The following MCM4 variants were observed in gnomAD, a reference collection of about 807,000 sequenced individuals.
MCM4 encodes the protein minichromosome maintenance complex component 4, also known as DNA replication licensing factor MCM4.
MCM4 carries 60 observed loss-of-function variants against 88.7 expected under a neutral mutation model. The ratio of observed to expected loss-of-function variants is 0.68; its 90% CI spans 0.55 to 0.84. The LOEUF (loss-of-function observed/expected upper bound fraction) is 0.84. MCM4 is among the 40% of genes least tolerant of loss of function. The pLI is 0.00. For missense variants in MCM4, 1,149 were observed against 1,105.5 expected (o/e 1.04, Z -0.56); for synonymous variants, 465 against 410.5 (o/e 1.13, Z -1.61).
At chr8:47,973,376 G>A (rs1012603683) in intron 14 of MCM4, among the ~76,000 whole-genome samples, 5 of 152,082 alleles carry the variant, frequency 3.3e-5, no homozygotes, top group African/African-American at 9.7e-5. Flanking sequence ...GAGTTTCACC[G>A]TGTTGGCCAG....
chr8:47,964,479 A>T (rs2154505079), intron 7 of MCM4, 95 bp from the exon 8 acceptor site: 1 of 906,908 alleles, frequency 1.1e-6, no homozygotes, highest in Middle Eastern at 3.2e-4. Context: ...GGGACATGAC[A>T]TGTTGTCTTT....
In MCM4 at chr8:47,963,053, C is replaced by T. The variant is rs2090861548; in HGVS notation, c.693+13C>T. ...CTCTTACCCACAGGTAAGAATTTAG[C>T]TTTGACCTTGATGAATTTTAGTAAC... On this transcript the variant is annotated intron_variant, in intron 7 of 16. Coordinates refer to ENST00000649973, the MANE Select transcript of MCM4 (RefSeq NM_182746.3). 2 of 1,463,560 alleles carry T rather than the reference C, an allele frequency of 1.4e-6. No individual in the cohort carries two copies. The highest frequency in any genetic ancestry group is 2.4e-5 in the South Asian group (2 of 82,130). The allele number at this position is 1,463,560 out of a possible 1,614,324, so 90.7% of individuals were successfully genotyped here.
In MCM4 at chr8:47,962,143, G is replaced by T. The variant is rs749518983; in HGVS notation, c.326G>T (p.Gly109Val). The T allele has an allele frequency of 5.0e-6, 8 of 1,614,082 alleles. No individual in the cohort carries two copies. The highest frequency in any genetic ancestry group is 5.9e-6 in the Non-Finnish European group (7 of 1,180,040). Residue 109 changes from glycine to valine, a missense_variant, in exon 4 of 17, where the codon GGC becomes GTC. Gly to Val is a moderately radical substitution (Grantham distance 109). This residue lies in a region of MCM4 where 906 missense variants were observed against 843.0 expected (regional missense o/e 1.07). Coordinates refer to ENST00000649973, the MANE Select transcript of MCM4 (RefSeq NM_182746.3). Reference protein sequence around the residue: ...VEGTPRSGVRGTPVRQRPDLG... With the variant: ...VEGTPRSGVRVTPVRQRPDLG... ...GGAACCCCAAGAAGTGGTGTTAGGGGCACACCTGTGAGACAGAGGCCTGAC... is the reference window on the plus strand; with the variant it reads ...GGAACCCCAAGAAGTGGTGTTAGGGTCACACCTGTGAGACAGAGGCCTGAC...
At chr8:47,967,705 T>A (rs565513469) in intron 10 of MCM4, among the ~76,000 whole-genome samples, 2 of 152,192 alleles carry the variant, frequency 1.3e-5, no homozygotes, top group African/African-American at 4.8e-5. Context: ...CAAACTTGAA[T>A]GTTGGAGCTC....
At chr8:47,961,374 C>T in intron 2 of MCM4, 142 bp from the exon 3 acceptor site, 2 of 1,519,470 alleles carry the variant, frequency 1.3e-6, no homozygotes, top group Non-Finnish European at 1.8e-6. Flanking sequence ...AGGCTGTGGC[C>T]TGGGTGCTGC....
At chr8:47,969,622 T>G in intron 10 of MCM4, 176 bp from the exon 11 acceptor site, 2 of 612,902 alleles carry the variant, frequency 3.3e-6, no homozygotes. Context: ...CTTTGCAATG[T>G]GGGCCTGAGT....
chr8:47,972,267 G>A (rs1589833140), intron 13 of MCM4, among the ~76,000 whole-genome samples: 1 of 148,640 alleles, frequency 6.7e-6, no homozygotes, highest in Admixed American at 6.8e-5. Context: ...ACTTTCCATC[G>A]TCAAAATTAT....
At position 47,961,069 on chromosome 8, in the gene MCM4, C is replaced by T. The variant is rs891829243; in HGVS notation, c.-15+55C>T. 35 of 1,444,432 alleles carry T rather than the reference C, an allele frequency of 2.4e-5. No individual in the cohort carries two copies. The African/African-American group carries it at 3.3e-4, about 13-fold the overall frequency. 89.5% of individuals were successfully genotyped at this position (1,444,432 alleles called of 1,614,324 possible). A position where few individuals can be genotyped will look rare whatever the true frequency, so the allele number is the denominator to read the frequency against. On this transcript the variant is annotated intron_variant, in intron 1 of 16. Transcript: ENST00000649973. ...CGCGGAGCCGACGGGAACGTCCGCG[C>T]TGCGGAGCAGGGCAGGGAAGCCGGG...
rs2090854149 is a variant in MCM4 at position 47,962,523 on chromosome 8, C to T, written c.501+117C>T. ...GAAGGGCCACCTGTGGTGGCTCACA[C>T]CTATAATCCCAGTACTTTGGGAGGC... On this transcript the variant is annotated intron_variant, in intron 5 of 16. Coordinates refer to ENST00000649973, the MANE Select transcript of MCM4 (RefSeq NM_182746.3). The T allele has an allele frequency of 8.6e-6, 9 of 1,040,726 alleles. No individual in the cohort carries two copies. In the South Asian group the frequency reaches 1.4e-4, roughly 16 times the overall value. 64.5% of individuals were successfully genotyped at this position (1,040,726 alleles called of 1,614,324 possible).
Position 47,967,495 on chromosome 8 carries a change from T to C in MCM4, c.1174+10T>C, listed in dbSNP as rs1349914292. ...AGAGTGAATGTTACAGGTAAGAGTG[T>C]AGGTTTGCACCAGCACTTGAGCATG... On this transcript the variant is annotated intron_variant, in intron 10 of 16. Transcript: ENST00000649973. 6.2e-7 allele frequency: 1 copy of C among 1,614,052 alleles called. No individual in the cohort carries two copies. The highest frequency in any genetic ancestry group is 8.5e-7 in the Non-Finnish European group (1 of 1,179,940).
rs1184604656 is a variant in MCM4, at chr8:47,974,810, T to A, written c.2213T>A (p.Ile738Asn). 1.2e-6 allele frequency: 2 copies of A among 1,614,108 alleles called. No individual in the cohort carries two copies. Among genetic ancestry groups the A allele is most frequent in the Non-Finnish European group, 1.7e-6 (2 of 1,180,062 alleles). Reference sequence around the variant, plus strand: ...TACCCTCGACAGCTAGAGTCATTAATCCGCTTAGCAGAAGCCCATGCTAAA... The same window carrying A: ...TACCCTCGACAGCTAGAGTCATTAAACCGCTTAGCAGAAGCCCATGCTAAA... ...SAYPRQLESL[I>N]RLAEAHAKVR... The change falls in exon 15 of 17, where the codon ATC (isoleucine) becomes AAC (asparagine). Residue 738 changes from isoleucine to asparagine, a missense_variant. Around this residue, in one of 3 missense-constraint regions of MCM4, gnomAD observed 238 missense variants for 241.6 expected, o/e 0.99. Coordinates refer to ENST00000649973, the MANE Select transcript of MCM4 (RefSeq NM_182746.3).
At chr8:47,967,338 A>G in intron 9 of MCM4, 27 bp from the exon 10 acceptor site, 1 of 1,613,782 alleles carries the variant, frequency 6.2e-7, no homozygotes, top group Non-Finnish European at 8.5e-7. Context: ...TTTGTGGCCC[A>G]CATGTTCTCT....
Position 47,966,205 on chromosome 8 carries a change from C to T in MCM4, c.851C>T (p.Thr284Ile). Residue 284 changes from threonine (T) to isoleucine (I), a missense_variant, in exon 9 of 17, where the codon ACC becomes ATC. By Grantham distance (89) the Thr-to-Ile change is moderately conservative. Transcript: ENST00000649973. ...LNPEDIDQLI[T>I]ISGMVIRTSQ... ...CTCACAGACATTGACCAGCTCATCA[C>T]CATCAGCGGCATGGTGATCAGGACA... The T allele has an allele frequency of 1.2e-6, 2 of 1,614,048 alleles. No individual in the cohort carries two copies. The highest frequency in any genetic ancestry group is 1.3e-5 in the African/African-American group (1 of 75,036).
intron 9 of MCM4, 27 bp from the exon 10 acceptor site, chr8:47,967,338 A>C: frequency 6.2e-7 from 1 of 1,613,780 alleles, no homozygotes; most frequent in Non-Finnish European, 8.5e-7. Flanking sequence ...TTTGTGGCCC[A>C]CATGTTCTCT....
chr8:47,970,607 G>A lies in MCM4; in HGVS notation c.1531G>A (p.Asp511Asn), dbSNP rs1474445101. 5 of 1,613,988 alleles carry A rather than the reference G, an allele frequency of 3.1e-6. No individual in the cohort carries two copies. The highest frequency in any genetic ancestry group is 4.5e-5 in the East Asian group (2 of 44,896). The change falls in exon 12 of 17, where the codon GAC (aspartate) becomes AAC (asparagine). Residue 511 changes from aspartate to asparagine, a missense_variant. Physicochemically the swap from Asp to Asn is conservative, Grantham distance 23. This residue lies in a region of MCM4 where 906 missense variants were observed against 843.0 expected (regional missense o/e 1.07). Coordinates refer to ENST00000649973, the MANE Select transcript of MCM4 (RefSeq NM_182746.3). Reference sequence around the variant, plus strand: ...TGAGATCAACATCTTGCTGTGTGGCGACCCTGGTACCAGCAAGTCCCAGCT... The same window carrying A: ...TGAGATCAACATCTTGCTGTGTGGCAACCCTGGTACCAGCAAGTCCCAGCT... ...RAEINILLCGDPGTSKSQLLQ... is the reference protein window; with the variant it reads ...RAEINILLCGNPGTSKSQLLQ...
Position 47,976,749 on chromosome 8 carries a change from G to A in MCM4, c.2563G>A (p.Val855Met). ...RALADDDFLT[V>M]TGKTVRLL ...CCTGGCAGATGATGATTTCCTGACA[G>A]TGACTGGGAAGACCGTGCGCTTGCT... is the stretch of plus-strand genomic sequence containing the variant. The change falls in exon 17 of 17, where the codon GTG (valine) becomes ATG (methionine). Residue 855 changes from valine (V) to methionine (M), a missense_variant. Physicochemically the swap from Val to Met is conservative, Grantham distance 21 (BLOSUM62 1). Coordinates refer to ENST00000649973, the MANE Select transcript of MCM4 (RefSeq NM_182746.3). 2 of 1,613,446 alleles carry A rather than the reference G, an allele frequency of 1.2e-6. No individual in the cohort carries two copies. The highest frequency in any genetic ancestry group is 1.7e-6 in the Non-Finnish European group (2 of 1,179,492).
intron 10 of MCM4, among the ~76,000 whole-genome samples, chr8:47,968,085 T>C (rs1016834737): frequency 1.3e-5 from 2 of 152,186 alleles, no homozygotes; most frequent in Admixed American, 1.3e-4. Context: ...GAGTGCTCTT[T>C]GCACAGCACC....
At position 47,964,600 on chromosome 8, in the gene MCM4, T is replaced by A. The variant is rs1037984696; in HGVS notation, c.720T>A (p.Ala240=). 7 of 1,598,516 alleles carry A rather than the reference T, an allele frequency of 4.4e-6. No individual in the cohort carries two copies. Among genetic ancestry groups the A allele is most frequent in the Non-Finnish European group, 6.0e-6 (7 of 1,176,158 alleles). The change falls in exon 8 of 17, where the codon GCT becomes GCA. Residue 240 remains alanine, a synonymous_variant. Coordinates refer to ENST00000649973, the MANE Select transcript of MCM4 (RefSeq NM_182746.3). ...PQEVIPTFDM[A]VNEIFFDRYP... ...AAGTTATTCCAACTTTTGACATGGC[T>A]GTCAATGAAATCTTCTTTGACCGTT... is the stretch of plus-strand genomic sequence containing the variant.
chr8:47,971,185 T>A, intron 12 of MCM4, 156 bp from the exon 13 acceptor site: 1 of 813,102 alleles, frequency 1.2e-6, no homozygotes, highest in Non-Finnish European at 1.9e-6. Flanking sequence ...ACAGGGCTTA[T>A]CCAGGTGAAC....
Sources: gnomAD v4.1 joint callset for allele counts (sites outside exome capture counted in the v4.1 genomes callset) on GRCh38, gnomAD v4.1.1 for gene constraint, gnomAD v4.1.1 regional missense constraint, MANE v1.5 for transcripts, NCBI Gene and HGNC (gene_info 2026-07-23, HGNC 2026-07-21) for gene names.